Variants in NEK10 observed in about 807,000 individuals in gnomAD.
NEK10 encodes the protein NIMA related kinase 10.
NEK10 carries 122 observed loss-of-function variants against 159.8 expected under a neutral mutation model. That is an observed-to-expected ratio of 0.76 (90% CI 0.66 to 0.89). The LOEUF (loss-of-function observed/expected upper bound fraction) is 0.89, where lower values mean the gene tolerates loss of function less well. Among genes scored for constraint, NEK10 ranks in the 40% least tolerant of loss-of-function variants. NEK10 has a pLI of 0.00. For missense variants in NEK10, 1,342 were observed against 1,323.1 expected, an observed-to-expected ratio of 1.01 and a Z score of -0.22; for synonymous variants, 466 against 457.1, an observed-to-expected ratio of 1.02 and a Z score of -0.25.
Position 27,111,156 on chromosome 3 carries a change from T to C in NEK10, c.*116A>G. 1.1e-6 allele frequency: 1 copy of C among 910,924 alleles called. No homozygotes were observed. Among genetic ancestry groups the C allele is most frequent in the South Asian group, 1.7e-5 (1 of 59,260 alleles). 56.4% of individuals were successfully genotyped at this position (910,924 alleles called of 1,614,324 possible). ...GAAGTCCTGCAGGCCCCATGGCATC[T>C]TGGTCTTTTCCACACCCTCTAGCAG... On this transcript the variant is annotated 3_prime_UTR_variant, in exon 36 of 36. Coordinates refer to ENST00000691995, the MANE Select transcript of NEK10 (RefSeq NM_001394966.1).
chr3:27,225,958 A>G (rs1470485323), intron 23 of NEK10, among the ~76,000 whole-genome samples: 1 of 152,204 alleles, frequency 6.6e-6, no homozygotes, highest in East Asian at 1.9e-4. Context: ...AGATTAACTG[A>G]CCAGCCAGAA....
chr3:27,222,933 GT>G (rs553128249), intron 23 of NEK10, among the ~76,000 whole-genome samples: 65 of 150,956 alleles, frequency 4.3e-4, no homozygotes, highest in African/African-American at 1.1e-3. Context: ...TTCCTATTAA[GT>G]TTTTTTTTGG....
At chr3:27,151,530 T>G (rs1338586817) in intron 30 of NEK10, among the ~76,000 whole-genome samples, 1 of 152,110 alleles carries the variant, frequency 6.6e-6, no homozygotes. Flanking sequence ...AGATATTCCC[T>G]CTGACAGAGC....
intron 22 of NEK10, among the ~76,000 whole-genome samples, chr3:27,267,143 T>C (rs1250350358): frequency 1.3e-5 from 2 of 152,208 alleles, no homozygotes; most frequent in Non-Finnish European, 1.5e-5. Flanking sequence ...CTGAAAAACA[T>C]GGTCATCATT....
At chr3:27,152,391 C>T (rs1315892872) in intron 30 of NEK10, among the ~76,000 whole-genome samples, 1 of 152,140 alleles carries the variant, frequency 6.6e-6, no homozygotes, top group Non-Finnish European at 1.5e-5. Context: ...TCCAACAAAA[C>T]TAAGCATCAT....
intron 30 of NEK10, among the ~76,000 whole-genome samples, chr3:27,150,008 C>T (rs1285266256): frequency 1.3e-5 from 2 of 152,152 alleles, no homozygotes; most frequent in African/African-American, 4.8e-5. Context: ...AAAGATCAAA[C>T]CTGCCACAAC....
chr3:27,114,133 A>T (rs1385454931), intron 35 of NEK10, among the ~76,000 whole-genome samples: 2 of 152,212 alleles, frequency 1.3e-5, no homozygotes, highest in Non-Finnish European at 2.9e-5. Flanking sequence ...CCAAGCCTTT[A>T]TGACCTTCTT....
chr3:27,185,515 C>A (rs1948530825), intron 26 of NEK10, among the ~76,000 whole-genome samples: 1 of 152,092 alleles, frequency 6.6e-6, no homozygotes. Context: ...AGAGATTCAG[C>A]CTGTGGAAAA....
intron 5 of NEK10, among the ~76,000 whole-genome samples, chr3:27,327,537 C>T (rs543341235): frequency 2.6e-5 from 4 of 152,294 alleles, no homozygotes; most frequent in Admixed American, 6.5e-5. Flanking sequence ...ACCGGAGACA[C>T]ATTATTTGAA....
At chr3:27,122,786 A>T (rs2125459407) in intron 32 of NEK10, among the ~76,000 whole-genome samples, 1 of 152,314 alleles carries the variant, frequency 6.6e-6, no homozygotes, top group East Asian at 1.9e-4. Context: ...CTCAAAAAAA[A>T]TTACATGAAT....
chr3:27,301,949 T>C (rs1349575994), intron 12 of NEK10, 114 bp from the exon 13 acceptor site: 2 of 764,656 alleles, frequency 2.6e-6, no homozygotes, highest in Non-Finnish European at 4.3e-6. Flanking sequence ...GGCATCATTA[T>C]TGTTTCACTT....
intron 5 of NEK10, 37 bp from the exon 6 acceptor site, chr3:27,322,298 A>G (rs1253684003): frequency 7.9e-7 from 1 of 1,262,374 alleles, no homozygotes; most frequent in South Asian, 1.3e-5. Flanking sequence ...TTCACGTTTA[A>G]AATCCCAGTG....
chr3:27,203,778 T>C (rs1950248230), intron 23 of NEK10, among the ~76,000 whole-genome samples: 2 of 152,200 alleles, frequency 1.3e-5, no homozygotes, highest in Non-Finnish European at 2.9e-5. Context: ...AACAAATTAC[T>C]GTTCTTGAGA....
At chr3:27,306,955 C>T (rs1173108246) in intron 11 of NEK10, among the ~76,000 whole-genome samples, 1 of 152,160 alleles carries the variant, frequency 6.6e-6, no homozygotes, top group Non-Finnish European at 1.5e-5. Context: ...TAGATATCTT[C>T]TCTTTCCTCC....
chr3:27,347,874 C>G (rs1194158186), intron 3 of NEK10, among the ~76,000 whole-genome samples: 1 of 152,104 alleles, frequency 6.6e-6, no homozygotes, highest in Non-Finnish European at 1.5e-5. Flanking sequence ...TACTCAATCT[C>G]TCTGTGCATC....
chr3:27,340,600 GA>G (rs2047133244), intron 5 of NEK10, among the ~76,000 whole-genome samples: 2 of 152,164 alleles, frequency 1.3e-5, no homozygotes, highest in East Asian at 1.9e-4. Flanking sequence ...ACAAGTATAT[GA>G]AAAAAAGTTC....
At chr3:27,260,100 C>CCTG (rs2040263968) in intron 22 of NEK10, among the ~76,000 whole-genome samples, 2 of 152,266 alleles carry the variant, frequency 1.3e-5, no homozygotes, top group South Asian at 4.1e-4. Context: ...AGTTGTCTAT[C>CCTG]AGCTTAAGGA....
At chr3:27,233,741 A>G (rs1953581259) in intron 23 of NEK10, among the ~76,000 whole-genome samples, 2 of 152,104 alleles carry the variant, frequency 1.3e-5, no homozygotes. Flanking sequence ...AAAATTTTAA[A>G]GGAGGAACTC....
At chr3:27,347,832 A>G (rs2047678783) in intron 3 of NEK10, among the ~76,000 whole-genome samples, 1 of 152,174 alleles carries the variant, frequency 6.6e-6, no homozygotes, top group South Asian at 2.1e-4. Flanking sequence ...ATTTAAATCT[A>G]CCATTAACTA....
Sources: allele counts gnomAD v4.1 joint callset (sites outside exome capture counted in the v4.1 genomes callset), GRCh38; gene constraint gnomAD v4.1.1; transcripts MANE v1.5; gene names NCBI Gene and HGNC (gene_info 2026-07-23, HGNC 2026-07-21).